The following KHDRBS2 variants were observed in gnomAD, a reference collection of about 807,000 sequenced individuals.
KHDRBS2 encodes KH domain-containing, RNA-binding, signal transduction-associated protein 2.
A neutral mutation model predicts 44.3 loss-of-function variants in KHDRBS2; 26 were observed. The observed-to-expected ratio is 0.59, with a 90% CI of 0.43 to 0.81. KHDRBS2 has a LOEUF of 0.81. Among genes scored for constraint, KHDRBS2 ranks in the 40% least tolerant of loss-of-function variants. The pLI is 0.00. For synonymous variants in KHDRBS2, 194 were observed against 151.1 expected, an observed-to-expected ratio of 1.28 and a Z score of -2.08; for missense variants, 476 against 433.1, an observed-to-expected ratio of 1.10 and a Z score of -0.88.
intron 6 of KHDRBS2, among the ~76,000 whole-genome samples, chr6:61,816,348 G>T (rs1788927883): frequency 6.6e-6 from 1 of 151,934 alleles, no homozygotes; most frequent in Admixed American, 6.6e-5. Context: ...ATTCCAAATG[G>T]CTGGTGTCCT....
intron 2 of KHDRBS2, among the ~76,000 whole-genome samples, chr6:62,086,868 A>AG (rs1282964915): frequency 6.6e-6 from 1 of 152,028 alleles, no homozygotes; most frequent in Admixed American, 6.6e-5. Flanking sequence ...ATTGACAGGC[A>AG]GGGATCCATT....
At chr6:61,822,988 T>C (rs771464479) in intron 6 of KHDRBS2, among the ~76,000 whole-genome samples, 3 of 151,996 alleles carry the variant, frequency 2.0e-5, no homozygotes, top group Non-Finnish European at 4.4e-5. Context: ...CATTCCTATG[T>C]GGGTAGTTTT....
chr6:61,580,443 C>A, the KHDRBS2 span, among the ~76,000 whole-genome samples: 11 of 152,130 alleles, frequency 7.2e-5, no homozygotes, highest in Non-Finnish European at 1.3e-4. Flanking sequence ...CTGCCCTCAG[C>A]GGTTACCAAC....
chr6:61,989,395 T>C (rs1386600016), intron 3 of KHDRBS2, among the ~76,000 whole-genome samples: 1 of 152,244 alleles, frequency 6.6e-6, no homozygotes, highest in Non-Finnish European at 1.5e-5. Flanking sequence ...TTGTTTGTTT[T>C]TCCTTTGGAT....
At chr6:62,025,904 T>A (rs186913853) in intron 3 of KHDRBS2, among the ~76,000 whole-genome samples, 84 of 152,212 alleles carry the variant, frequency 5.5e-4, no homozygotes, top group African/African-American at 1.9e-3. Context: ...CTCGATTAAA[T>A]TCAGATTCAA....
At chr6:61,799,420 G>A (rs1328950917) in intron 6 of KHDRBS2, among the ~76,000 whole-genome samples, 1 of 151,586 alleles carries the variant, frequency 6.6e-6, no homozygotes, top group African/African-American at 2.4e-5. Flanking sequence ...TGTTAATAAT[G>A]TATATCTGAA....
intron 2 of KHDRBS2, among the ~76,000 whole-genome samples, chr6:62,144,808 AGGT>A (rs1813586088): frequency 1.3e-5 from 2 of 151,972 alleles, no homozygotes; most frequent in Admixed American, 1.3e-4. Context: ...TATGCATGAC[AGGT>A]GGTGCCATGG....
Position 61,680,461 on chromosome 6 carries a change from CTT to C in KHDRBS2, c.*500_*501del, listed in dbSNP as rs939587006. 6.6e-6 allele frequency: 1 copy of C among 151,828 alleles called. No homozygotes were observed. The highest frequency in any genetic ancestry group is 2.4e-5 in the African/African-American group (1 of 41,306). 9.4% of individuals were successfully genotyped at this position (151,828 alleles called of 1,614,324 possible). On this transcript the variant is annotated 3_prime_UTR_variant, in exon 9 of 9. Transcript: ENST00000281156. The stretch of plus-strand genomic sequence containing the variant: ...ACAGCATTAAAATTAAATTTACAAA[CTT>C]AATATCAAACATCTTTGTCTAACTA...
chr6:61,983,200 TTTTCTTTC>T (rs70993191), intron 3 of KHDRBS2, among the ~76,000 whole-genome samples: 6 of 46,038 alleles, frequency 1.3e-4, no homozygotes, highest in South Asian at 2.2e-3. Context: ...GTTTTTTTCA[TTTTCTTTC>T]TTTCTTTCTT....
intron 2 of KHDRBS2, among the ~76,000 whole-genome samples, chr6:62,131,516 G>C (rs557451006): frequency 2.0e-5 from 3 of 152,314 alleles, no homozygotes; most frequent in East Asian, 1.9e-4. Flanking sequence ...CGAGGTTAGC[G>C]GAAGGAGTGG....
downstream of KHDRBS2, among the ~76,000 whole-genome samples, chr6:61,677,380 T>C (rs754395547): frequency 2.0e-5 from 3 of 151,948 alleles, no homozygotes; most frequent in Non-Finnish European, 2.9e-5. Context: ...CAAATATATA[T>C]GAAATGTTAC....
At chr6:61,785,998 T>C (rs1280108006) in intron 6 of KHDRBS2, among the ~76,000 whole-genome samples, 13 of 152,038 alleles carry the variant, frequency 8.6e-5, no homozygotes, top group Admixed American at 6.6e-5. Flanking sequence ...TCAAGACATA[T>C]AGACACACAG....
intron 2 of KHDRBS2, among the ~76,000 whole-genome samples, chr6:62,095,782 T>A (rs1800466846): frequency 6.6e-6 from 1 of 151,864 alleles, no homozygotes; most frequent in Non-Finnish European, 1.5e-5. Context: ...AAGTGGACAT[T>A]CTTGTCTTGT....
At chr6:61,567,821 C>A in the KHDRBS2 span, among the ~76,000 whole-genome samples, 1 of 151,800 alleles carries the variant, frequency 6.6e-6, no homozygotes, top group South Asian at 2.1e-4. Flanking sequence ...TCTATGAAAC[C>A]AAGCCTTAGT....
chr6:62,218,864 CA>C (rs1830439235), intron 1 of KHDRBS2, among the ~76,000 whole-genome samples: 1 of 151,714 alleles, frequency 6.6e-6, no homozygotes, highest in African/African-American at 2.4e-5. Context: ...ATGTCTTTTG[CA>C]GTAACATAAA....
At chr6:61,902,230 T>C (rs898740288) in intron 4 of KHDRBS2, among the ~76,000 whole-genome samples, 5 of 152,178 alleles carry the variant, frequency 3.3e-5, no homozygotes, top group Admixed American at 2.6e-4. Context: ...ATTACAGGCA[T>C]GAGCCATCGT....
At chr6:61,557,385 A>G in the KHDRBS2 span, among the ~76,000 whole-genome samples, 1 of 152,224 alleles carries the variant, frequency 6.6e-6, no homozygotes, top group South Asian at 2.1e-4. Context: ...GATAGAATAT[A>G]TATAGAGAGT....
intron 3 of KHDRBS2, among the ~76,000 whole-genome samples, chr6:62,030,722 T>A (rs1221599324): frequency 6.6e-6 from 1 of 152,092 alleles, no homozygotes; most frequent in Non-Finnish European, 1.5e-5. Context: ...AGTCTTGTGA[T>A]AAATACATTA....
chr6:62,034,757 T>G (rs1374544375), intron 3 of KHDRBS2, among the ~76,000 whole-genome samples: 1 of 149,876 alleles, frequency 6.7e-6, no homozygotes, highest in African/African-American at 2.4e-5. Flanking sequence ...AATGCCCACT[T>G]TCACCATTGT....
Sources: allele counts gnomAD v4.1 joint callset (sites outside exome capture counted in the v4.1 genomes callset), GRCh38; gene constraint gnomAD v4.1.1; transcripts MANE v1.5; gene names NCBI Gene and HGNC (gene_info 2026-07-23, HGNC 2026-07-21).